Variants in CHKA observed in about 807,000 individuals in gnomAD.
The protein encoded by CHKA is choline kinase alpha.
A neutral mutation model predicts 60.1 loss-of-function variants in CHKA; 34 were observed. The observed-to-expected ratio is 0.57, with a 90% confidence interval of 0.43 to 0.75. The LOEUF (loss-of-function observed/expected upper bound fraction) is 0.75, where lower values mean the gene tolerates loss of function less well. Among genes scored for constraint, CHKA ranks in the 30% least tolerant of loss-of-function variants. CHKA has a pLI of 0.00. For synonymous variants in CHKA, 217 were observed against 223.1 expected (o/e 0.97, Z 0.24); for missense variants, 563 against 561.3 (o/e 1.00, Z -0.03).
chr11:68,058,684 A>G (rs1856114375), intron 11 of CHKA, among the ~76,000 whole-genome samples: 1 of 152,194 alleles, frequency 6.6e-6, no homozygotes, highest in Admixed American at 6.5e-5. Flanking sequence ...GCACACAATC[A>G]TGTCACCTAA....
intron 1 of CHKA, among the ~76,000 whole-genome samples, chr11:68,107,167 G>A (rs1179210170): frequency 6.6e-6 from 1 of 151,934 alleles, no homozygotes; most frequent in Non-Finnish European, 1.5e-5. Flanking sequence ...CAGGAGAATC[G>A]CTTGAACCTG....
chr11:68,070,617 G>T, intron 5 of CHKA, 107 bp downstream of exon 5: 1 of 1,229,184 alleles, frequency 8.1e-7, no homozygotes, highest in Non-Finnish European at 1.1e-6. Flanking sequence ...GCACTTCAGT[G>T]AACTAGGAAG....
intron 3 of CHKA, 115 bp downstream of exon 3, chr11:68,081,289 G>A (rs1366488204): frequency 1.0e-5 from 8 of 773,098 alleles, no homozygotes; most frequent in Non-Finnish European, 1.5e-5. Flanking sequence ...CTCGTAGAAA[G>A]ATAGATCAGG....
intron 11 of CHKA, among the ~76,000 whole-genome samples, chr11:68,061,095 G>GTTTTTTTTTTTTTTTT (rs757176198): frequency 1.4e-5 from 1 of 70,840 alleles, no homozygotes; most frequent in African/African-American, 6.7e-5. Context: ...GTCAGTGACA[G>GTTTTTTTTTTTTTTTT]TTTTTTTTTT....
At chr11:68,087,535 A>T (rs1857219278) in intron 2 of CHKA, among the ~76,000 whole-genome samples, 1 of 152,182 alleles carries the variant, frequency 6.6e-6, no homozygotes, top group South Asian at 2.1e-4. Context: ...ACTATGTTAA[A>T]TATAATGGTG....
At chr11:68,087,119 G>C (rs952394575) in intron 2 of CHKA, among the ~76,000 whole-genome samples, 58 of 152,154 alleles carry the variant, frequency 3.8e-4, no homozygotes, top group Admixed American at 1.7e-3. Flanking sequence ...ACAAAGAATA[G>C]CATGTCATCA....
At chr11:68,115,272 T>C (rs958126162) in intron 1 of CHKA, among the ~76,000 whole-genome samples, 4 of 152,214 alleles carry the variant, frequency 2.6e-5, no homozygotes, top group Admixed American at 6.5e-5. Flanking sequence ...GGCATAACCC[T>C]GTTGAAGTAA....
intron 11 of CHKA, 55 bp from the exon 12 acceptor site, chr11:68,054,102 GC>G: frequency 1.4e-6 from 2 of 1,472,440 alleles, no homozygotes; most frequent in Non-Finnish European, 1.9e-6. Context: ...CCTGAACCCT[GC>G]CCATGTGTCC....
At chr11:68,064,486 G>A in intron 10 of CHKA, 39 bp downstream of exon 10, 4 of 1,032,948 alleles carry the variant, frequency 3.9e-6, no homozygotes, top group South Asian at 1.5e-5. Context: ...CTATAAAGAG[G>A]AAAGCTATCT....
chr11:68,061,889 T>C (rs1199090496), intron 11 of CHKA, 64 bp downstream of exon 11: 4 of 1,132,848 alleles, frequency 3.5e-6, no homozygotes, highest in Non-Finnish European at 5.1e-6. Flanking sequence ...CATTCACAAA[T>C]ACTATAGCAT....
intron 10 of CHKA, among the ~76,000 whole-genome samples, chr11:68,062,410 G>A (rs1174530916): frequency 6.6e-6 from 1 of 152,250 alleles, no homozygotes; most frequent in Non-Finnish European, 1.5e-5. Context: ...AAGGGAGGGT[G>A]CACACCATAG....
At chr11:68,100,024 G>A (rs1013924407) in intron 1 of CHKA, among the ~76,000 whole-genome samples, 1 of 152,104 alleles carries the variant, frequency 6.6e-6, no homozygotes, top group African/African-American at 2.4e-5. Flanking sequence ...ATGAAGCAAG[G>A]TGACTGGCAC....
At chr11:68,120,720 T>TC in intron 1 of CHKA, 108 bp downstream of exon 1, 3 of 127,524 alleles carry the variant, frequency 2.4e-5, no homozygotes, top group Non-Finnish European at 3.3e-5. Flanking sequence ...CGGCCCCGGC[T>TC]CCCCCGGCCC....
At chr11:68,120,761 G>A in intron 1 of CHKA, 67 bp downstream of exon 1, 1 of 494,458 alleles carries the variant, frequency 2.0e-6, no homozygotes, top group South Asian at 7.5e-5. Context: ...CCCCTGCCCG[G>A]ACCCCGCCCC....
intron 11 of CHKA, among the ~76,000 whole-genome samples, chr11:68,056,392 G>C (rs540206924): frequency 1.3e-5 from 2 of 152,130 alleles, no homozygotes; most frequent in African/African-American, 4.8e-5. Context: ...ATTCCAGAGG[G>C]GGTCCTGCAC....
chr11:68,069,915 C>T (rs1163530914), intron 6 of CHKA, among the ~76,000 whole-genome samples: 4 of 152,208 alleles, frequency 2.6e-5, no homozygotes, highest in Admixed American at 2.6e-4. Flanking sequence ...AGACACTCTA[C>T]TGCCCTGGCC....
Position 68,053,783 on chromosome 11 carries a change from TTC to T in CHKA, c.*203_*204del, listed in dbSNP as rs1267818714. ...CTATATTTCTGCTTCCCGATCTCGT[TTC>T]TGAGTCCTAGTGAAATCGTAAACAA... is the stretch of plus-strand genomic sequence containing the variant. On this transcript the variant is annotated 3_prime_UTR_variant, in exon 12 of 12. Coordinates refer to ENST00000265689, the MANE Select transcript of CHKA (RefSeq NM_001277.3). 8 of 510,062 alleles carry T rather than the reference TTC, an allele frequency of 1.6e-5. No homozygotes were observed. The highest frequency in any genetic ancestry group is 2.8e-5 in the Non-Finnish European group (8 of 284,842). 31.6% of individuals were successfully genotyped at this position (510,062 alleles called of 1,614,324 possible). A position where few individuals can be genotyped will look rare whatever the true frequency, so the allele number is the denominator to read the frequency against.
At chr11:68,083,077 T>G (rs928267497) in intron 2 of CHKA, among the ~76,000 whole-genome samples, 1 of 152,230 alleles carries the variant, frequency 6.6e-6, no homozygotes, top group Non-Finnish European at 1.5e-5. Context: ...CCAAGCAGTC[T>G]GTAAATTCCT....
rs1437623087 is a variant in CHKA at position 68,053,397 on chromosome 11, GGCTGCTCCAGAGCAATCC to G, written c.*573_*590del. 3.3e-5 allele frequency: 5 copies of G among 152,830 alleles called. No individual in the cohort carries two copies. Among genetic ancestry groups the G allele is most frequent in the Admixed American group, 2.0e-4 (3 of 15,320 alleles). 9.5% of individuals were successfully genotyped at this position (152,830 alleles called of 1,614,324 possible). On this transcript the variant is annotated 3_prime_UTR_variant, in exon 12 of 12. Transcript: ENST00000265689. ...CTCTGCTCCACACGCTGGCGGCCTT[GGCTGCTCCAGAGCAATCC>G]GCTGCTCCAGCTTCAGCCATGGGAC...
Sources: allele counts gnomAD v4.1 joint callset (sites outside exome capture counted in the v4.1 genomes callset), GRCh38; gene constraint gnomAD v4.1.1; transcripts MANE v1.5; gene names NCBI Gene and HGNC (gene_info 2026-07-23, HGNC 2026-07-21).